Variants in CDH4 observed in about 807,000 individuals in gnomAD.
CDH4 encodes the protein cadherin 4.
A neutral mutation model predicts 86.0 loss-of-function variants in CDH4; 33 were observed. The observed-to-expected ratio is 0.38, with a 90% confidence interval of 0.29 to 0.51. The LOEUF (loss-of-function observed/expected upper bound fraction) is 0.51, where lower values mean the gene tolerates loss of function less well. CDH4 is among the 20% of genes least tolerant of loss of function. CDH4 has a pLI of 0.86. For synonymous variants in CDH4, 555 were observed against 549.4 expected (o/e 1.01, Z -0.14); for missense variants, 1,114 against 1,307.4 (o/e 0.85, Z 2.28).
chr20:61,632,838 C>G (rs1311218509), intron 2 of CDH4, among the ~76,000 whole-genome samples: 1 of 108,206 alleles, frequency 9.2e-6, no homozygotes, highest in Non-Finnish European at 1.9e-5. Flanking sequence ...CTCCTCCTCT[C>G]CCCACCCTCC....
Position 61,940,287 on chromosome 20 carries a change from G to T in CDH4, c.*3344G>T, listed in dbSNP as rs1277257780. The T allele has an allele frequency of 6.6e-6, 1 of 152,056 alleles. No homozygotes were observed. The highest frequency in any genetic ancestry group is 1.9e-4 in the East Asian group (1 of 5,194). 9.4% of individuals were successfully genotyped at this position (152,056 alleles called of 1,614,324 possible). A position where few individuals can be genotyped will look rare whatever the true frequency, so the allele number is the denominator to read the frequency against. On this transcript the variant is annotated 3_prime_UTR_variant, in exon 16 of 16. Coordinates refer to ENST00000614565, the MANE Select transcript of CDH4 (RefSeq NM_001794.5). Reference sequence around the variant, plus strand: ...TTTTGCATGTTTCTTTTTGAAATGGGCAAAATGTGTAGCAGCCTGCATGAG... The same window carrying T: ...TTTTGCATGTTTCTTTTTGAAATGGTCAAAATGTGTAGCAGCCTGCATGAG...
intron 2 of CDH4, among the ~76,000 whole-genome samples, chr20:61,422,659 C>T (rs917947144): frequency 4.6e-5 from 7 of 152,040 alleles, no homozygotes; most frequent in African/African-American, 1.4e-4. Flanking sequence ...GATCTGGCTC[C>T]GAATTCTAAA....
At position 61,844,823 on chromosome 20, in the gene CDH4, C is replaced by T. The variant is rs571630457; in HGVS notation, c.732C>T (p.His244=). 24 of 1,610,424 alleles carry T rather than the reference C, an allele frequency of 1.5e-5. No individual in the cohort carries two copies. The highest frequency in any genetic ancestry group is 5.3e-5 in the African/African-American group (4 of 75,024). ...PMDREEHASY[H]LRAHAVDMNG... Reference sequence around the variant, plus strand: ...ACCGGGAGGAGCACGCCTCTTACCACGTGAGTGTCCACACCCGGCTGAGAA... The same window carrying T: ...ACCGGGAGGAGCACGCCTCTTACCATGTGAGTGTCCACACCCGGCTGAGAA... Residue 244 remains histidine (H), a splice_region_variant and synonymous_variant, in exon 5 of 16, where the codon CAC becomes CAT. Transcript: ENST00000614565.
At chr20:61,796,405 T>C (rs923653255) in intron 4 of CDH4, among the ~76,000 whole-genome samples, 1 of 152,068 alleles carries the variant, frequency 6.6e-6, no homozygotes, top group Admixed American at 6.5e-5. Flanking sequence ...GCTTGGGTTA[T>C]CACCTTCTGA....
chr20:61,573,071 T>TGGAG (rs202014530), intron 2 of CDH4, among the ~76,000 whole-genome samples: 1 of 150,984 alleles, frequency 6.6e-6, no homozygotes, highest in Non-Finnish European at 1.5e-5. Flanking sequence ...GATGGATGGA[T>TGGAG]AGATGGTTGG....
At chr20:61,332,289 T>G (rs969061940) in intron 2 of CDH4, among the ~76,000 whole-genome samples, 4 of 152,208 alleles carry the variant, frequency 2.6e-5, no homozygotes, top group African/African-American at 7.2e-5. Context: ...TCAAGGTCTC[T>G]GTGGCTATGG....
chr20:61,658,578 C>A (rs1021163327), intron 2 of CDH4, among the ~76,000 whole-genome samples: 1 of 152,260 alleles, frequency 6.6e-6, no homozygotes, highest in East Asian at 1.9e-4. Context: ...GGATGGGTGG[C>A]CCAGGTCGTT....
At chr20:61,420,183 G>A (rs1037381556) in intron 2 of CDH4, among the ~76,000 whole-genome samples, 2 of 152,246 alleles carry the variant, frequency 1.3e-5, no homozygotes, top group African/African-American at 4.8e-5. Flanking sequence ...GTGAGCAGCT[G>A]CAGGAATCCT....
At chr20:61,606,133 CAA>C (rs1299295818) in intron 2 of CDH4, among the ~76,000 whole-genome samples, 4 of 152,278 alleles carry the variant, frequency 2.6e-5, no homozygotes, top group South Asian at 2.1e-4. Flanking sequence ...GGCTGAACGG[CAA>C]AGAGTGGTAG....
chr20:61,451,300 G>A (rs567868254), intron 2 of CDH4, among the ~76,000 whole-genome samples: 1 of 152,244 alleles, frequency 6.6e-6, no homozygotes, highest in East Asian at 1.9e-4. Flanking sequence ...GACCACCATG[G>A]AGCATGTGCG....
intron 2 of CDH4, among the ~76,000 whole-genome samples, chr20:61,455,936 T>A (rs548088427): frequency 4.0e-5 from 6 of 151,842 alleles, no homozygotes; most frequent in Admixed American, 3.9e-4. Flanking sequence ...GATGGGTGGA[T>A]GGATGGATAG....
rs186314878 is a variant in CDH4 at position 61,683,872 on chromosome 20, G to A, written c.170-59691G>A. Among the ~76,000 whole-genome samples, 305 of 152,294 alleles carry A rather than the reference G, an allele frequency of 2.0e-3. 2 individuals are homozygous for A. The highest frequency in any genetic ancestry group is 6.8e-3 in the Middle Eastern group (2 of 294). ...TGCCTGCCGTGGGGTGAGGTGCACC[G>A]CCTAGCTGGCACTTCACAGTAGAGA... On this transcript the variant is annotated intron_variant, in intron 2 of 15. Transcript: ENST00000614565.
At chr20:61,920,455 G>A (rs1176673369) in intron 9 of CDH4, among the ~76,000 whole-genome samples, 2 of 150,752 alleles carry the variant, frequency 1.3e-5, no homozygotes, top group Non-Finnish European at 3.0e-5. Flanking sequence ...ATGGAAATGT[G>A]TGATTGCATG....
intron 2 of CDH4, among the ~76,000 whole-genome samples, chr20:61,507,049 G>A (rs1042532604): frequency 6.6e-6 from 1 of 152,196 alleles, no homozygotes; most frequent in African/African-American, 2.4e-5. Flanking sequence ...AATATGCCCC[G>A]TTTTGAGACT....
At chr20:61,711,939 CAGAT>C (rs1247359104) in intron 2 of CDH4, among the ~76,000 whole-genome samples, 11 of 152,102 alleles carry the variant, frequency 7.2e-5, no homozygotes, top group Admixed American at 7.2e-4. Context: ...ATCAGCATGA[CAGAT>C]AGCTGTGCAC....
intron 2 of CDH4, among the ~76,000 whole-genome samples, chr20:61,608,434 A>C (rs1338390995): frequency 1.3e-5 from 2 of 152,178 alleles, no homozygotes; most frequent in African/African-American, 2.4e-5. Context: ...CGACCCCAGC[A>C]CGTGTCCAGC....
chr20:61,843,222 G>A (rs11698604), intron 4 of CDH4, among the ~76,000 whole-genome samples: 64,902 of 150,304 alleles, frequency 0.43, 15,648 homozygotes, highest in Non-Finnish European at 0.56. Flanking sequence ...AGGCCGAGGC[G>A]GGTGAATCAT....
At chr20:61,420,916 G>T (rs2085174386) in intron 2 of CDH4, among the ~76,000 whole-genome samples, 1 of 152,230 alleles carries the variant, frequency 6.6e-6, no homozygotes, top group African/African-American at 2.4e-5. Flanking sequence ...GATAGGACAG[G>T]GGTGACCCAG....
chr20:61,578,619 G>C (rs1050973952), intron 2 of CDH4, among the ~76,000 whole-genome samples: 2 of 152,166 alleles, frequency 1.3e-5, no homozygotes, highest in African/African-American at 2.4e-5. Flanking sequence ...GACTCAAGGG[G>C]TGGTCGGCCA....
Sources: gnomAD v4.1 joint callset for allele counts (sites outside exome capture counted in the v4.1 genomes callset) on GRCh38, gnomAD v4.1.1 for gene constraint, MANE v1.5 for transcripts, NCBI Gene and HGNC (gene_info 2026-07-23, HGNC 2026-07-21) for gene names.